The following RABGGTB variants were observed in gnomAD, a reference collection of about 807,000 sequenced individuals.
RABGGTB encodes geranylgeranyl transferase type-2 subunit beta.
Under a neutral mutation model 44.5 loss-of-function variants are expected in RABGGTB, and 20 were observed. The observed-to-expected ratio is 0.45, with a 90% CI of 0.32 to 0.65. RABGGTB has a LOEUF of 0.65. Among genes scored for constraint, RABGGTB ranks in the 30% least tolerant of loss-of-function variants. The pLI is 0.05. For missense variants in RABGGTB, 302 were observed against 398.7 expected, an observed-to-expected ratio of 0.76 and a Z score of 2.06; for synonymous variants, 128 against 136.7, an observed-to-expected ratio of 0.94 and a Z score of 0.44.
intron 6 of RABGGTB, 104 bp downstream of exon 6, chr1:75,791,675 A>G (rs1295343153): frequency 1.0e-6 from 1 of 976,508 alleles, no homozygotes; most frequent in Non-Finnish European, 1.5e-6. Flanking sequence ...CATAAAGTTA[A>G]TTCGACTGTA....
rs1649661620 is a variant in RABGGTB, at chr1:75,792,167, GTC to G, written c.580-12_580-11del. On this transcript the variant is annotated splice_polypyrimidine_tract_variant and intron_variant, in intron 6 of 8. Coordinates refer to ENST00000319942, the MANE Select transcript of RABGGTB (RefSeq NM_004582.4). Reference sequence around the variant, plus strand: ...AAATTATTATACACATAAACTTTATGTCTGTAATTTTAGATCTATTGTTGCAC... The same window carrying G: ...AAATTATTATACACATAAACTTTATGTGTAATTTTAGATCTATTGTTGCAC... 1 of 1,589,866 alleles carries G rather than the reference GTC, an allele frequency of 6.3e-7. No individual in the cohort carries two copies. The highest frequency in any genetic ancestry group is 1.3e-5 in the African/African-American group (1 of 74,426).
intron 6 of RABGGTB, 50 bp from the exon 7 acceptor site, chr1:75,792,131 T>A (rs770293704): frequency 2.0e-6 from 3 of 1,511,670 alleles, no homozygotes; most frequent in Non-Finnish European, 2.7e-6. Flanking sequence ...TTTATCACTT[T>A]TAATGTCAAG....
chr1:75,789,646 TAA>T, intron 3 of RABGGTB: 1 of 615,414 alleles, frequency 1.6e-6, no homozygotes, highest in Non-Finnish European at 3.0e-6. Context: ...CCTGGTGGTT[TAA>T]AGTCTTTCTG....
chr1:75,789,818 G>T (rs1649601717), intron 3 of RABGGTB, 134 bp from the exon 4 acceptor site: 2 of 642,090 alleles, frequency 3.1e-6, no homozygotes, highest in Non-Finnish European at 5.4e-6. Context: ...AATAACAGGA[G>T]AGTCTGCATA....
rs756946663 is a variant in RABGGTB, at chr1:75,794,226, G to A, written c.848G>A (p.Gly283Glu). 1.2e-6 allele frequency: 2 copies of A among 1,605,998 alleles called. No homozygotes were observed. Among genetic ancestry groups the A allele is most frequent in the Admixed American group, 3.4e-5 (2 of 58,192 alleles). ...EETGGFADRPGDMVDPFHTLF... is the reference protein window; with the variant it reads ...EETGGFADRPEDMVDPFHTLF... ...ACGGGGGGATTTGCAGACAGGCCAG[G>A]AGATATGGCAAGTAATATTTCTGAC... The change falls in exon 8 of 9, where the codon GGA becomes GAA. Residue 283 changes from glycine (G) to glutamate (E), a missense_variant. Gly to Glu is a moderately conservative substitution (Grantham distance 98, BLOSUM62 -2). Transcript: ENST00000319942.
chr1:75,787,297 A>T, intron 1 of RABGGTB, 200 bp from the exon 2 acceptor site: 1 of 615,680 alleles, frequency 1.6e-6, no homozygotes, highest in Non-Finnish European at 2.9e-6. Flanking sequence ...ACACAACCTC[A>T]GTTCACTGCA....
intron 8 of RABGGTB, 54 bp downstream of exon 8, chr1:75,794,287 T>C: frequency 1.3e-6 from 2 of 1,541,904 alleles, no homozygotes; most frequent in East Asian, 2.3e-5. Flanking sequence ...TTGCATTACT[T>C]CATGGTTCCA....
chr1:75,794,665 A>G lies in RABGGTB; in HGVS notation c.*15A>G. The G allele has an allele frequency of 6.3e-7, 1 of 1,579,464 alleles. No homozygotes were observed. Among genetic ancestry groups the G allele is most frequent in the Non-Finnish European group, 8.6e-7 (1 of 1,161,424 alleles). The stretch of plus-strand genomic sequence containing the variant: ...TAGTGAGCTAGATTCATTGAATTGA[A>G]AGTTGCATAGTATAGTTTTGCCATT... On this transcript the variant is annotated 3_prime_UTR_variant, in exon 9 of 9. Coordinates refer to ENST00000319942, the MANE Select transcript of RABGGTB (RefSeq NM_004582.4).
Position 75,791,346 on chromosome 1 carries a change from T to C in RABGGTB, c.468+9T>C. ...CAACTTTGGCTTTGTTGGTAAGCTTTGAATATTTGATTGAAATGATTAAAG... is the reference window on the plus strand; with the variant it reads ...CAACTTTGGCTTTGTTGGTAAGCTTCGAATATTTGATTGAAATGATTAAAG... On this transcript the variant is annotated intron_variant, in intron 5 of 8. Coordinates refer to ENST00000319942, the MANE Select transcript of RABGGTB (RefSeq NM_004582.4). 1.2e-6 allele frequency: 2 copies of C among 1,607,272 alleles called. No individual in the cohort carries two copies. The highest frequency in any genetic ancestry group is 1.7e-6 in the Non-Finnish European group (2 of 1,173,880).
intron 1 of RABGGTB, chr1:75,787,180 G>A (rs762781358): frequency 5.1e-6 from 3 of 585,316 alleles, no homozygotes; most frequent in Admixed American, 2.0e-5. Flanking sequence ...CTAAGACGAA[G>A]CCTGAATGAT....
chr1:75,792,587 A>C (rs1649672044), intron 7 of RABGGTB, among the ~76,000 whole-genome samples: 1 of 152,198 alleles, frequency 6.6e-6, no homozygotes, highest in Admixed American at 6.5e-5. Context: ...TTTTTTAAAA[A>C]TTAGACTACA....
intron 7 of RABGGTB, chr1:75,793,278 G>A (rs935884450): frequency 1.1e-4 from 17 of 150,932 alleles, no homozygotes; most frequent in African/African-American, 4.2e-4. Context: ...TGTATTTTTA[G>A]TAGAGATGGG....
At chr1:75,790,254 G>A (rs547089576) in intron 4 of RABGGTB, 197 bp downstream of exon 4, 2 of 1,261,160 alleles carry the variant, frequency 1.6e-6, no homozygotes, top group African/African-American at 3.1e-5. Context: ...TGGAACAGAG[G>A]GGGCCAGTCT....
In RABGGTB at chr1:75,791,953, A is replaced by G. The variant is rs1444648520; in HGVS notation, c.580-228A>G. ...ATATGTGAATGGATGGCTGTGAAAT[A>G]CTAGCCATGAAGAAATTTTGACAAT... On this transcript the variant is annotated intron_variant, in intron 6 of 8. Coordinates refer to ENST00000319942, the MANE Select transcript of RABGGTB (RefSeq NM_004582.4). 2.2e-5 allele frequency: 10 copies of G among 451,580 alleles called. No individual in the cohort carries two copies. In the South Asian group the frequency reaches 2.8e-4, roughly 13 times the overall value. The allele number at this position is 451,580 out of a possible 1,614,324, so 28.0% of individuals were successfully genotyped here.
At chr1:75,789,552 G>C (rs754661975) in intron 3 of RABGGTB, 196 bp downstream of exon 3, 17 of 772,526 alleles carry the variant, frequency 2.2e-5, no homozygotes, top group Middle Eastern at 2.7e-4. Context: ...AGACCTTGGA[G>C]GGTAAAATTT....
intron 1 of RABGGTB, among the ~76,000 whole-genome samples, 187 bp downstream of exon 1, chr1:75,786,461 G>A (rs1034138243): frequency 6.6e-6 from 1 of 152,144 alleles, no homozygotes; most frequent in Non-Finnish European, 1.5e-5. Context: ...GGGCAATGCC[G>A]CTTCTAATTT....
intron 7 of RABGGTB, chr1:75,793,748 T>G: frequency 4.9e-6 from 1 of 202,196 alleles, no homozygotes; most frequent in Non-Finnish European, 9.9e-6. Context: ...GATTTCATGA[T>G]TATACTGCTA....
Position 75,794,541 on chromosome 1 carries a change from C to T in RABGGTB, c.887C>T (p.Ala296Val). The change falls in exon 9 of 9, where the codon GCT becomes GTT. Residue 296 changes from alanine to valine, a missense_variant. This residue lies in a region of RABGGTB where 213 missense variants were observed against 323.7 expected (regional missense o/e 0.66). Coordinates refer to ENST00000319942, the MANE Select transcript of RABGGTB (RefSeq NM_004582.4). Reference sequence around the variant, plus strand: ...CCTTTTCATACCTTATTTGGAATTGCTGGATTGTCACTTTTGGGAGAAGAA... The same window carrying T: ...CCTTTTCATACCTTATTTGGAATTGTTGGATTGTCACTTTTGGGAGAAGAA... ...VDPFHTLFGI[A>V]GLSLLGEEQI... 6.2e-7 allele frequency: 1 copy of T among 1,612,444 alleles called. No individual in the cohort carries two copies.
At chr1:75,792,450 C>G (rs993446444) in intron 7 of RABGGTB, 144 bp downstream of exon 7, 4 of 1,092,604 alleles carry the variant, frequency 3.7e-6, no homozygotes, top group South Asian at 3.6e-5. Context: ...ATATATCCTA[C>G]TAAAAGACTC....
Sources: allele counts gnomAD v4.1 joint callset (sites outside exome capture counted in the v4.1 genomes callset), GRCh38; gene constraint gnomAD v4.1.1; regional missense constraint gnomAD v4.1.1; transcripts MANE v1.5; gene names NCBI Gene and HGNC (gene_info 2026-07-23, HGNC 2026-07-21).